The following CXCL12 variants were observed in gnomAD, a reference collection of about 807,000 sequenced individuals.
CXCL12 encodes stromal cell-derived factor 1.
CXCL12 carries 4 observed loss-of-function variants against 10.7 expected under a neutral mutation model. That is an observed-to-expected ratio of 0.37 (90% CI 0.18 to 0.86). The LOEUF (loss-of-function observed/expected upper bound fraction) is 0.86, where lower values mean the gene tolerates loss of function less well. CXCL12 is among the 40% of genes least tolerant of loss of function. The pLI, the probability that CXCL12 is intolerant of heterozygous loss-of-function variation, is 0.43. For missense variants in CXCL12, 122 were observed against 110.4 expected (o/e 1.10, Z -0.47); for synonymous variants, 54 against 45.4 (o/e 1.19, Z -0.77).
downstream of CXCL12, among the ~76,000 whole-genome samples, chr10:44,375,166 C>T (rs545289806): frequency 1.3e-5 from 2 of 152,264 alleles, no homozygotes; most frequent in East Asian, 3.9e-4. Flanking sequence ...GTGGGGGACC[C>T]GTTTAAAGAC....
At chr10:44,375,898 G>A (rs17881575), downstream of CXCL12, 145,759 of 1,607,966 alleles carry the variant, frequency 0.091, 7,066 homozygotes, top group East Asian at 0.1. Flanking sequence ...ACAAAGCGCC[G>A]AGAGCAAGTG....
chr10:44,373,425 C>T (rs747338701), downstream of CXCL12: 28 of 1,273,568 alleles, frequency 2.2e-5, no homozygotes, highest in Non-Finnish European at 2.8e-5. Flanking sequence ...GCGGCCTGCG[C>T]GGAGGCCCTG....
Position 44,385,033 on chromosome 10 carries a change from A to G in CXCL12, c.-28T>C. 6 of 1,429,910 alleles carry G rather than the reference A, an allele frequency of 4.2e-6. No individual in the cohort carries two copies. The highest frequency in any genetic ancestry group is 5.6e-6 in the Non-Finnish European group (6 of 1,078,612). 88.6% of individuals were successfully genotyped at this position (1,429,910 alleles called of 1,614,324 possible). On this transcript the variant is annotated 5_prime_UTR_variant, in exon 1 of 3. Transcript: ENST00000343575. ...CGCGGGCGGGCGGGCGGGCGGGCGGACGAGCGCGGGTCGGGGGCCGGACGC... is the reference window on the plus strand; with the variant it reads ...CGCGGGCGGGCGGGCGGGCGGGCGGGCGAGCGCGGGTCGGGGGCCGGACGC...
intron 1 of CXCL12, among the ~76,000 whole-genome samples, 166 bp downstream of exon 1, chr10:44,384,779 C>G (rs1282090593): frequency 6.6e-6 from 1 of 152,234 alleles, no homozygotes; most frequent in Non-Finnish European, 1.5e-5. Context: ...AAAAGTAGGG[C>G]TTTGAACGCG....
chr10:44,374,957 G>A (rs1839415053), downstream of CXCL12, among the ~76,000 whole-genome samples: 1 of 152,214 alleles, frequency 6.6e-6, no homozygotes, highest in Non-Finnish European at 1.5e-5. Context: ...CATGGGCAGG[G>A]AAGGAGGGTG....
intron 1 of CXCL12, among the ~76,000 whole-genome samples, chr10:44,384,416 C>G (rs945891217): frequency 4.6e-5 from 7 of 152,196 alleles, no homozygotes; most frequent in Non-Finnish European, 7.4e-5. Flanking sequence ...AGAGGATCGG[C>G]TTCGCAGGGA....
At chr10:44,380,542 G>C in intron 2 of CXCL12, 1 of 548,692 alleles carries the variant, frequency 1.8e-6, no homozygotes, top group South Asian at 2.1e-5. Flanking sequence ...GAACTACTAC[G>C]AGCACAGCAG....
intron 1 of CXCL12, 135 bp downstream of exon 1, chr10:44,384,810 G>A (rs570771134): frequency 8.3e-6 from 7 of 844,654 alleles, no homozygotes; most frequent in Non-Finnish European, 1.2e-5. Flanking sequence ...AGAGCGCCCA[G>A]CTAAGCGAGC....
downstream of CXCL12, chr10:44,376,150 C>A (rs1839443941): frequency 2.0e-6 from 2 of 1,005,618 alleles, no homozygotes; most frequent in African/African-American, 1.6e-5. Flanking sequence ...AGTCTCAGGC[C>A]TGGAGGCCCC....
At position 44,377,876 on chromosome 10, in the gene CXCL12, C is replaced by T. The variant is rs556781079; in HGVS notation, c.*757G>A. On this transcript the variant is annotated 3_prime_UTR_variant, in exon 3 of 3. Transcript: ENST00000343575. ...CAGGGCACGAGCCCCAGCAATCACC[C>T]TCTTCCCGGCTGGTGCGGCGCTGAT... is the stretch of plus-strand genomic sequence containing the variant. 37 of 1,579,584 alleles carry T rather than the reference C, an allele frequency of 2.3e-5. 1 individual carries two copies. Among genetic ancestry groups the T allele is most frequent in the Non-Finnish European group, 3.2e-5 (37 of 1,171,176 alleles).
Position 44,370,300 on chromosome 10 carries a change from G to A in CXCL12, c.*3028C>T, listed in dbSNP as rs558065974. ...ATTTTTTAAAGCACGCTGCGTATAG[G>A]AATTGGCCTTCTCCTGGACCATTTT... On this transcript the variant is annotated 3_prime_UTR_variant, in exon 4 of 4. Coordinates refer to the CXCL12 transcript ENST00000374429. 2.6e-5 allele frequency: 4 copies of A among 152,688 alleles called. No homozygotes were observed. In the East Asian group the frequency reaches 7.7e-4, roughly 29 times the overall value. 9.5% of individuals were successfully genotyped at this position (152,688 alleles called of 1,614,324 possible). A position where few individuals can be genotyped will look rare whatever the true frequency, so the allele number is the denominator to read the frequency against.
rs57081172 is a variant in CXCL12, at chr10:44,380,172, T to C, written c.179+591A>G. On this transcript the variant is annotated intron_variant, in intron 2 of 2. Transcript: ENST00000343575. Reference sequence around the variant, plus strand: ...CGGTCTTCTGTACCCAGCTGAGATCTTCCTGTCTTGTGGATGTGTGATTTT... The same window carrying C: ...CGGTCTTCTGTACCCAGCTGAGATCCTCCTGTCTTGTGGATGTGTGATTTT... Among the ~76,000 whole-genome samples the C allele has an allele frequency of 1.2e-3, 176 of 152,338 alleles. 2 individuals are homozygous for C. The East Asian group carries it at 0.028, about 24-fold the overall frequency.
In CXCL12 at chr10:44,377,395, G is replaced by GT. The variant is rs1839487018; in HGVS notation, c.*1237dup. 1.9e-6 allele frequency: 2 copies of GT among 1,070,748 alleles called. No individual in the cohort carries two copies. The highest frequency in any genetic ancestry group is 2.3e-6 in the Non-Finnish European group (2 of 882,752). The allele number at this position is 1,070,748 out of a possible 1,614,324, so 66.3% of individuals were successfully genotyped here. Reference sequence around the variant, plus strand: ...AAATACATTTGTTTTCTAAAGAAACGTAAAAAAAAATGTGCACAAAAATAT... The same window carrying GT: ...AAATACATTTGTTTTCTAAAGAAACGTTAAAAAAAAATGTGCACAAAAATAT... On this transcript the variant is annotated 3_prime_UTR_variant, in exon 3 of 3. Coordinates refer to ENST00000343575, the MANE Select transcript of CXCL12 (RefSeq NM_199168.4).
rs770589144 is a variant in CXCL12 at position 44,377,886 on chromosome 10, C to A, written c.*747G>T. 4.4e-6 allele frequency: 7 copies of A among 1,573,698 alleles called. No homozygotes were observed. In the South Asian group the frequency reaches 5.7e-5, roughly 13 times the overall value. On this transcript the variant is annotated 3_prime_UTR_variant, in exon 3 of 3. Coordinates refer to ENST00000343575, the MANE Select transcript of CXCL12 (RefSeq NM_199168.4). ...GCCCCAGCAATCACCCTCTTCCCGG[C>A]TGGTGCGGCGCTGATCAGGCTACAG...
downstream of CXCL12, chr10:44,374,264 T>C (rs1483914766): frequency 2.7e-6 from 1 of 364,382 alleles, no homozygotes; most frequent in Non-Finnish European, 5.4e-6. Flanking sequence ...CAGGACAGAC[T>C]GGCCACCCCT....
At chr10:44,380,685 A>G (rs1309706785) in intron 2 of CXCL12, 78 bp downstream of exon 2, 4 of 1,267,894 alleles carry the variant, frequency 3.2e-6, no homozygotes, top group South Asian at 1.2e-5. Context: ...TACACCTTTA[A>G]TAAGACTCGG....
chr10:44,384,933 G>C lies in CXCL12; in HGVS notation c.61+12C>G, dbSNP rs746983728. 2 of 1,542,332 alleles carry C rather than the reference G, an allele frequency of 1.3e-6. No homozygotes were observed. The highest frequency in any genetic ancestry group is 1.5e-5 in the African/African-American group (1 of 66,494). On this transcript the variant is annotated intron_variant, in intron 1 of 2. Coordinates refer to ENST00000343575, the MANE Select transcript of CXCL12 (RefSeq NM_199168.4). ...AGAGCCTCGCCAGGGCCTCCCCGCCGAGCGCACTTACCGTCGCTGAGGCAG... is the reference window on the plus strand; with the variant it reads ...AGAGCCTCGCCAGGGCCTCCCCGCCCAGCGCACTTACCGTCGCTGAGGCAG...
chr10:44,379,396 C>T (rs1159138108), intron 2 of CXCL12, among the ~76,000 whole-genome samples: 1 of 152,178 alleles, frequency 6.6e-6, no homozygotes, highest in African/African-American at 2.4e-5. Context: ...TTAAAAGCTT[C>T]CCTACATGCA....
At chr10:44,372,460 A>G (rs908668938), downstream of CXCL12, 2 of 261,768 alleles carry the variant, frequency 7.6e-6, no homozygotes, top group South Asian at 1.6e-4. Flanking sequence ...GCATGCATCA[A>G]GACATTGGTC....
Sources: allele counts gnomAD v4.1 joint callset (sites outside exome capture counted in the v4.1 genomes callset), GRCh38; gene constraint gnomAD v4.1.1; transcripts MANE v1.5; gene names NCBI Gene and HGNC (gene_info 2026-07-23, HGNC 2026-07-21).